PTPRD: variants seen among roughly 807,000 people sequenced by gnomAD.
PTPRD encodes receptor-type tyrosine-protein phosphatase delta.
In PTPRD, 34 loss-of-function variants were observed where a neutral mutation model predicts 214.5. The ratio of observed to expected loss-of-function variants is 0.16; its 90% CI spans 0.12 to 0.21. The LOEUF is 0.21. PTPRD is among the 10% of genes least tolerant of loss of function. The pLI is 1.00. For synonymous variants in PTPRD, 1,128 were observed against 845.7 expected (o/e 1.33, Z -5.79); for missense variants, 2,545 against 2,398.7 (o/e 1.06, Z -1.27).
chr9:8,663,699 C>T (rs2097113453), intron 12 of PTPRD, among the ~76,000 whole-genome samples: 1 of 152,064 alleles, frequency 6.6e-6, no homozygotes, highest in African/African-American at 2.4e-5. Flanking sequence ...CCATGTTGGT[C>T]AGGCTGGTCT....
At chr9:9,372,287 C>G (rs1468059762) in intron 9 of PTPRD, among the ~76,000 whole-genome samples, 4 of 152,014 alleles carry the variant, frequency 2.6e-5, no homozygotes, top group African/African-American at 7.2e-5. Context: ...CTTTATGTAT[C>G]TGGGTGCTCC....
chr9:9,929,377 G>C (rs2085537100), intron 5 of PTPRD, among the ~76,000 whole-genome samples: 1 of 152,084 alleles, frequency 6.6e-6, no homozygotes, highest in Non-Finnish European at 1.5e-5. Flanking sequence ...ACTTGATAAT[G>C]GGGAGGGCCA....
chr9:10,179,464 AT>A, intron 3 of PTPRD, among the ~76,000 whole-genome samples: 1 of 152,162 alleles, frequency 6.6e-6, no homozygotes, highest in East Asian at 1.9e-4. Flanking sequence ...TAATGATAAA[AT>A]ATAGTCCTAA....
Position 9,389,670 on chromosome 9 carries a change from C to T in PTPRD, c.-203+7779G>A, listed in dbSNP as rs187696304. 5.8e-3 allele frequency among the ~76,000 whole-genome samples: 876 copies of T among 152,180 alleles called. 10 individuals are homozygous for T. The highest frequency in any genetic ancestry group is 0.02 in the African/African-American group (822 of 41,516). ...ATGTGTATTATGCTGTAAAGAAAACCATTTGATACTGTACCTAACAGACAG... is the reference window on the plus strand; with the variant it reads ...ATGTGTATTATGCTGTAAAGAAAACTATTTGATACTGTACCTAACAGACAG... On this transcript the variant is annotated intron_variant, in intron 9 of 45. Coordinates refer to ENST00000381196, the MANE Select transcript of PTPRD (RefSeq NM_002839.4).
chr9:9,332,239 GGA>G (rs35963082), intron 9 of PTPRD, among the ~76,000 whole-genome samples: 22,852 of 151,724 alleles, frequency 0.15, 1,946 homozygotes, highest in African/African-American at 0.22. Context: ...TTTAGCAGGT[GGA>G]GAGAGAGAGA....
chr9:9,856,359 G>T (rs1459312182), intron 5 of PTPRD, among the ~76,000 whole-genome samples: 1 of 152,108 alleles, frequency 6.6e-6, no homozygotes, highest in Non-Finnish European at 1.5e-5. Flanking sequence ...TTTGAGCCAC[G>T]GTCTCAGGGT....
At chr9:8,501,696 T>C (rs1214188611) in intron 23 of PTPRD, among the ~76,000 whole-genome samples, 3 of 152,216 alleles carry the variant, frequency 2.0e-5, no homozygotes, top group Non-Finnish European at 4.4e-5. Flanking sequence ...TTAACATTGA[T>C]CATAGCCCAT....
chr9:10,392,098 CTATT>C (rs1437465897), intron 2 of PTPRD, among the ~76,000 whole-genome samples: 1 of 151,780 alleles, frequency 6.6e-6, no homozygotes, highest in Non-Finnish European at 1.5e-5. Flanking sequence ...ATTTGGGTAT[CTATT>C]TATTGTTTGT....
intron 7 of PTPRD, among the ~76,000 whole-genome samples, chr9:9,608,096 A>G (rs1226394856): frequency 6.6e-6 from 1 of 152,182 alleles, no homozygotes; most frequent in Non-Finnish European, 1.5e-5. Flanking sequence ...AAATCAGTTC[A>G]GCTGCTTTGT....
At chr9:9,313,308 A>G (rs1417037794) in intron 9 of PTPRD, among the ~76,000 whole-genome samples, 1 of 152,150 alleles carries the variant, frequency 6.6e-6, no homozygotes, top group African/African-American at 2.4e-5. Flanking sequence ...TCTCTGTTGG[A>G]CCAGTTAAGA....
At chr9:9,459,319 T>A (rs2093411154) in intron 8 of PTPRD, among the ~76,000 whole-genome samples, 2 of 152,050 alleles carry the variant, frequency 1.3e-5, no homozygotes, top group East Asian at 1.9e-4. Context: ...CTTTTACCAC[T>A]CCTATTTAAA....
At chr9:9,246,147 G>T (rs1468605708) in intron 9 of PTPRD, among the ~76,000 whole-genome samples, 1 of 152,028 alleles carries the variant, frequency 6.6e-6, no homozygotes, top group Non-Finnish European at 1.5e-5. Flanking sequence ...TTAGAAGAAA[G>T]GTAGAGTGAA....
At chr9:9,880,868 C>G (rs2068456397) in intron 5 of PTPRD, among the ~76,000 whole-genome samples, 1 of 151,990 alleles carries the variant, frequency 6.6e-6, no homozygotes, top group African/African-American at 2.4e-5. Flanking sequence ...TTCCTACTGT[C>G]TGAAACTGAC....
chr9:9,981,691 C>A (rs543106296), intron 4 of PTPRD, among the ~76,000 whole-genome samples: 15 of 151,904 alleles, frequency 9.9e-5, no homozygotes, highest in Admixed American at 3.3e-4. Flanking sequence ...TGAGTGCAAG[C>A]GCATTAAATT....
At chr9:8,954,659 C>G (rs1415265250) in intron 11 of PTPRD, among the ~76,000 whole-genome samples, 1 of 151,742 alleles carries the variant, frequency 6.6e-6, no homozygotes, top group Non-Finnish European at 1.5e-5. Flanking sequence ...GGATGACTTT[C>G]AAAACCAACA....
At chr9:8,943,445 G>C (rs2099045536) in intron 11 of PTPRD, among the ~76,000 whole-genome samples, 1 of 151,854 alleles carries the variant, frequency 6.6e-6, no homozygotes, top group Non-Finnish European at 1.5e-5. Context: ...CAATGGAACA[G>C]AACAGAGAAC....
rs189355106 is a variant in PTPRD, at chr9:9,274,086, A to T, written c.-202-90723T>A. Among the ~76,000 whole-genome samples the T allele has an allele frequency of 2.0e-3, 304 of 151,082 alleles. 2 individuals are homozygous for T. The highest frequency in any genetic ancestry group is 6.7e-3 in the African/African-American group (277 of 41,320). On this transcript the variant is annotated intron_variant, in intron 9 of 45. Transcript: ENST00000381196. ...TTCTCTCCCTGTATACTATTTTTTT[A>T]AAATTCTCTCTTTCACTTGGATGTC...
intron 6 of PTPRD, among the ~76,000 whole-genome samples, chr9:9,762,664 A>G (rs756657884): frequency 6.6e-5 from 10 of 152,216 alleles, no homozygotes; most frequent in Non-Finnish European, 1.0e-4. Flanking sequence ...TCCAGTTTAC[A>G]CTGACATGAT....
intron 11 of PTPRD, among the ~76,000 whole-genome samples, chr9:8,994,943 G>A (rs2154350608): frequency 6.6e-6 from 1 of 152,104 alleles, no homozygotes; most frequent in East Asian, 1.9e-4. Flanking sequence ...GGGAAAAATG[G>A]CAGTGATTGG....
Sources: gnomAD v4.1 joint callset for allele counts (sites outside exome capture counted in the v4.1 genomes callset) on GRCh38, gnomAD v4.1.1 for gene constraint, MANE v1.5 for transcripts, NCBI Gene and HGNC (gene_info 2026-07-23, HGNC 2026-07-21) for gene names.